The following SPHKAP variants were observed in gnomAD, a reference collection of about 807,000 sequenced individuals.
SPHKAP encodes the protein SPHK1 interactor, AKAP domain containing.
Under a neutral mutation model 137.5 loss-of-function variants are expected in SPHKAP, and 67 were observed. That is an observed-to-expected ratio of 0.49 (90% CI 0.40 to 0.60). The LOEUF (loss-of-function observed/expected upper bound fraction) is 0.60, where lower values mean the gene tolerates loss of function less well. SPHKAP is among the 20% of genes least tolerant of loss of function. The probability of loss-of-function intolerance (pLI) is 0.00; values close to 1 mark genes in which losing one functional copy is unlikely to be tolerated. For missense variants in SPHKAP, 2,097 were observed against 2,069.3 expected (o/e 1.01, Z -0.26); for synonymous variants, 813 against 785.3 (o/e 1.04, Z -0.59).
chr2:227,998,030 A>G (rs1693699668), intron 7 of SPHKAP, among the ~76,000 whole-genome samples: 1 of 152,128 alleles, frequency 6.6e-6, no homozygotes, highest in Admixed American at 6.6e-5. Flanking sequence ...TGTTTGAGAC[A>G]AAGTCTTGCT....
chr2:228,122,354 G>A (rs902250341), intron 2 of SPHKAP, among the ~76,000 whole-genome samples: 2 of 152,042 alleles, frequency 1.3e-5, no homozygotes, highest in African/African-American at 2.4e-5. Context: ...CACACACAGT[G>A]AAAATGATGC....
At chr2:228,154,957 C>T (rs902436555) in intron 1 of SPHKAP, among the ~76,000 whole-genome samples, 12 of 151,996 alleles carry the variant, frequency 7.9e-5, no homozygotes, top group Non-Finnish European at 1.6e-4. Flanking sequence ...CAACATTCCT[C>T]CTTTTTGTGT....
intron 9 of SPHKAP, 92 bp from the exon 10 acceptor site, chr2:227,991,418 G>T: frequency 6.2e-7 from 1 of 1,600,320 alleles, no homozygotes; most frequent in Non-Finnish European, 8.5e-7. Context: ...TGATCTAAAA[G>T]CTTCTGAAGT....
chr2:228,053,248 C>A (rs1265999522), intron 3 of SPHKAP, among the ~76,000 whole-genome samples: 2 of 152,130 alleles, frequency 1.3e-5, no homozygotes, highest in South Asian at 2.1e-4. Flanking sequence ...CTCATTTAAC[C>A]TTTATCACCA....
At chr2:227,993,977 A>C (rs537222470) in intron 8 of SPHKAP, 341 of 850,902 alleles carry the variant, frequency 4.0e-4, no homozygotes, top group South Asian at 6.4e-4. Context: ...TCTATCGGCA[A>C]GAGATTTCTT....
At chr2:228,143,579 T>TCCGC (rs1699673015) in intron 1 of SPHKAP, among the ~76,000 whole-genome samples, 1 of 151,576 alleles carries the variant, frequency 6.6e-6, no homozygotes. Flanking sequence ...CACTGCAACC[T>TCCGC]CCGCCTCCCT....
At chr2:227,994,131 C>T in intron 8 of SPHKAP, 3 of 953,858 alleles carry the variant, frequency 3.1e-6, no homozygotes, top group Non-Finnish European at 3.7e-6. Flanking sequence ...ATTTCATAGG[C>T]TGAGCATCTG....
At chr2:228,084,073 A>G (rs948310812) in intron 3 of SPHKAP, among the ~76,000 whole-genome samples, 4 of 151,926 alleles carry the variant, frequency 2.6e-5, no homozygotes, top group African/African-American at 9.7e-5. Flanking sequence ...CGTTCTACAC[A>G]TGTACCACCC....
intron 7 of SPHKAP, 135 bp downstream of exon 7, chr2:228,016,268 CATT>C (rs1694584928): frequency 2.4e-6 from 3 of 1,225,018 alleles, no homozygotes; most frequent in East Asian, 2.4e-5. Context: ...CTCATTAACT[CATT>C]TTTTTTTTTT....
intron 7 of SPHKAP, among the ~76,000 whole-genome samples, chr2:228,002,513 A>G (rs1353340360): frequency 1.3e-5 from 2 of 152,090 alleles, no homozygotes; most frequent in African/African-American, 4.8e-5. Context: ...CCCATTTTGT[A>G]GGTTGCCTGT....
chr2:228,069,445 C>CTTTTTTTTT (rs1250162411), intron 3 of SPHKAP, among the ~76,000 whole-genome samples: 1 of 81,492 alleles, frequency 1.2e-5, no homozygotes, highest in African/African-American at 4.7e-5. Flanking sequence ...TTCTTTCTTT[C>CTTTTTTTTT]TTTCTTTTTT....
At chr2:228,129,319 A>G (rs1303997816) in intron 2 of SPHKAP, among the ~76,000 whole-genome samples, 1 of 152,236 alleles carries the variant, frequency 6.6e-6, no homozygotes, top group Admixed American at 6.5e-5. Flanking sequence ...TAAAAAATGC[A>G]TTATCTGCTA....
intron 2 of SPHKAP, among the ~76,000 whole-genome samples, chr2:228,128,013 G>T (rs1277776737): frequency 6.6e-6 from 1 of 152,194 alleles, no homozygotes; most frequent in Non-Finnish European, 1.5e-5. Context: ...GAAAGGTCTT[G>T]TCTCCAGGTT....
At chr2:228,153,757 A>G (rs1304468056) in intron 1 of SPHKAP, among the ~76,000 whole-genome samples, 1 of 152,204 alleles carries the variant, frequency 6.6e-6, no homozygotes, top group African/African-American at 2.4e-5. Context: ...ATTTTCAGCA[A>G]GAGGACTGAT....
chr2:228,108,282 G>T (rs1698405295), intron 3 of SPHKAP, among the ~76,000 whole-genome samples: 2 of 152,132 alleles, frequency 1.3e-5, no homozygotes, highest in Admixed American at 1.3e-4. Flanking sequence ...CAAGCTGAAA[G>T]AATTATATTG....
In SPHKAP at chr2:227,990,122, C is replaced by A. The variant is rs182387329; in HGVS notation, c.4959+878G>T. ...CATGGAACTGAATTAGCACAACAATCTGAACAAGCTTGGACTCTTTCTCTT... is the reference window on the plus strand; with the variant it reads ...CATGGAACTGAATTAGCACAACAATATGAACAAGCTTGGACTCTTTCTCTT... On this transcript the variant is annotated intron_variant, in intron 11 of 11. Coordinates refer to ENST00000392056, the MANE Select transcript of SPHKAP (RefSeq NM_001142644.2). 6.0e-4 allele frequency among the ~76,000 whole-genome samples: 91 copies of A among 152,308 alleles called. 1 individual carries two copies. Among genetic ancestry groups the A allele is most frequent in the Non-Finnish European group, 1.0e-3 (70 of 68,022 alleles).
At chr2:227,991,412 C>T in intron 9 of SPHKAP, 86 bp from the exon 10 acceptor site, 1 of 1,603,522 alleles carries the variant, frequency 6.2e-7, no homozygotes, top group Non-Finnish European at 8.5e-7. Context: ...TCTTACTGAT[C>T]TAAAAGCTTC....
chr2:228,033,108 A>T (rs1695413710), intron 3 of SPHKAP, among the ~76,000 whole-genome samples: 1 of 152,194 alleles, frequency 6.6e-6, no homozygotes, highest in Non-Finnish European at 1.5e-5. Flanking sequence ...GTCAAGACCC[A>T]TCAGTGTGCT....
chr2:228,034,016 A>G (rs1695466694), intron 3 of SPHKAP, among the ~76,000 whole-genome samples: 1 of 152,240 alleles, frequency 6.6e-6, no homozygotes, highest in African/African-American at 2.4e-5. Context: ...AGAAGGCAAG[A>G]AATAACTACA....
Sources: allele counts gnomAD v4.1 joint callset (sites outside exome capture counted in the v4.1 genomes callset), GRCh38; gene constraint gnomAD v4.1.1; transcripts MANE v1.5; gene names NCBI Gene and HGNC (gene_info 2026-07-23, HGNC 2026-07-21).